RBCK1: variants seen among roughly 807,000 people sequenced by gnomAD.
The protein encoded by RBCK1 is RANBP2-type and C3HC4-type zinc finger containing 1.
In RBCK1, 44 loss-of-function variants were observed where a neutral mutation model predicts 71.1. The observed-to-expected ratio is 0.62, with a 90% CI of 0.49 to 0.80. The LOEUF (loss-of-function observed/expected upper bound fraction) is 0.80, where lower values mean the gene tolerates loss of function less well. Among genes scored for constraint, RBCK1 ranks in the 30% least tolerant of loss-of-function variants. The pLI, the probability that RBCK1 is intolerant of heterozygous loss-of-function variation, is 0.00. For synonymous variants in RBCK1, 306 were observed against 279.7 expected (o/e 1.09, Z -0.94); for missense variants, 569 against 685.0 (o/e 0.83, Z 1.89).
chr20:408,818 G>T lies in RBCK1; in HGVS notation c.22+39G>T, dbSNP rs1163490929. ...GGAGGTGGCTGGGGAACTTCCGGTG[G>T]GAAGTGGGCCCCGCAGGACCTGGCC... On this transcript the variant is annotated intron_variant, in intron 1 of 11. Transcript: ENST00000356286. The T allele has an allele frequency of 5.6e-6, 9 of 1,597,386 alleles. No individual in the cohort carries two copies. In the South Asian group the frequency reaches 1.0e-4, roughly 18 times the overall value.
chr20:423,358 T>G (rs944041039), intron 8 of RBCK1, among the ~76,000 whole-genome samples: 17 of 152,220 alleles, frequency 1.1e-4, no homozygotes, highest in Non-Finnish European at 1.9e-4. Context: ...TTTGTTGTTG[T>G]TAGCGCTTAC....
At chr20:409,857 G>T (rs776605379) in intron 1 of RBCK1, 24 bp from the exon 2 acceptor site, 2 of 1,608,588 alleles carry the variant, frequency 1.2e-6, no homozygotes. Flanking sequence ...TGTGCTAACT[G>T]GCTCCTGCTG....
At position 417,359 on chromosome 20, in the gene RBCK1, G is replaced by A. The variant is rs758443598; in HGVS notation, c.168-167G>A. ...GCCTAACTGGTGGGTTCTAATAAAGGAAGAAGCATGGGTGGGGCCTACCCC... is the reference window on the plus strand; with the variant it reads ...GCCTAACTGGTGGGTTCTAATAAAGAAAGAAGCATGGGTGGGGCCTACCCC... On this transcript the variant is annotated intron_variant, in intron 2 of 11. Coordinates refer to ENST00000356286, the MANE Select transcript of RBCK1 (RefSeq NM_031229.4). This position sits in a 1 kb window ranked among gnomAD's most constrained non-coding sequence, Gnocchi z 4.7. 1.3e-6 allele frequency: 1 copy of A among 752,106 alleles called. No homozygotes were observed. Among genetic ancestry groups the A allele is most frequent in the Admixed American group, 1.9e-5 (1 of 53,220 alleles). The allele number at this position is 752,106 out of a possible 1,614,324, so 46.6% of individuals were successfully genotyped here.
chr20:419,524 G>T (rs1359874412), intron 5 of RBCK1, 34 bp from the exon 6 acceptor site: 1 of 1,604,976 alleles, frequency 6.2e-7, no homozygotes, highest in Non-Finnish European at 8.5e-7. Flanking sequence ...GCCTCACCCT[G>T]CCCAGTCGGG....
At position 418,535 on chromosome 20, in the gene RBCK1, A is replaced by AT. The variant is rs548958736; in HGVS notation, c.460+611dup. On this transcript the variant is annotated intron_variant, in intron 4 of 11. Coordinates refer to ENST00000356286, the MANE Select transcript of RBCK1 (RefSeq NM_031229.4). ...AGGCGCCCGCCACCACGCCCGGCTA[A>AT]TTTTTTATATTTTTAGTAGAGACGG... 3.1e-3 allele frequency among the ~76,000 whole-genome samples: 479 copies of AT among 152,096 alleles called. 5 individuals carry two copies. The highest frequency in any genetic ancestry group is 0.011 in the African/African-American group (465 of 41,506).
intron 2 of RBCK1, 57 bp downstream of exon 2, chr20:410,082 C>G: frequency 6.4e-7 from 1 of 1,559,122 alleles, no homozygotes; most frequent in Non-Finnish European, 8.7e-7. Context: ...ATATTCTTGC[C>G]TGTAGAACAG....
Position 430,556 on chromosome 20 carries a change from T to C in RBCK1, c.*126T>C, listed in dbSNP as rs953825652. 1 of 916,116 alleles carries C rather than the reference T, an allele frequency of 1.1e-6. No homozygotes were observed. Among genetic ancestry groups the C allele is most frequent in the African/African-American group, 1.6e-5 (1 of 61,338 alleles). 56.7% of individuals were successfully genotyped at this position (916,116 alleles called of 1,614,324 possible). Reference sequence around the variant, plus strand: ...TGTAGGGGCCCTGCCTGCACTGCGGTTGTCCACGGTCACATCTGCCCCAGT... The same window carrying C: ...TGTAGGGGCCCTGCCTGCACTGCGGCTGTCCACGGTCACATCTGCCCCAGT... On this transcript the variant is annotated 3_prime_UTR_variant, in exon 12 of 12. Coordinates refer to ENST00000356286, the MANE Select transcript of RBCK1 (RefSeq NM_031229.4). The surrounding 1 kb of genome is among the most constrained non-coding windows in gnomAD (Gnocchi z 5.6).
intron 4 of RBCK1, 129 bp from the exon 5 acceptor site, chr20:419,218 G>A (rs1257104745): frequency 1.5e-6 from 2 of 1,297,430 alleles, no homozygotes; most frequent in African/African-American, 3.0e-5. Flanking sequence ...GATGGAAGCT[G>A]GAGGTACCCC....
In RBCK1 at chr20:426,151, G is replaced by A. The variant is rs12625895; in HGVS notation, c.1030-1162G>A. 1.6e-4 allele frequency among the ~76,000 whole-genome samples: 25 copies of A among 152,266 alleles called. No homozygotes were observed. In the East Asian group the frequency reaches 4.8e-3, roughly 29 times the overall value. On this transcript the variant is annotated intron_variant, in intron 8 of 11. Transcript: ENST00000356286. ...ATACTTTGATACAGGCATGCAATGC[G>A]TAATAATCACATCATGGAGAATGGG...
At position 422,248 on chromosome 20, in the gene RBCK1, C is replaced by T; in HGVS notation, c.1029+10C>T. 1 of 1,611,872 alleles carries T rather than the reference C, an allele frequency of 6.2e-7. No individual in the cohort carries two copies. Among genetic ancestry groups the T allele is most frequent in the Non-Finnish European group, 8.5e-7 (1 of 1,178,592 alleles). On this transcript the variant is annotated intron_variant, in intron 8 of 11. Transcript: ENST00000356286. The surrounding 1 kb of genome is among the most constrained non-coding windows in gnomAD (Gnocchi z 5.0). ...GAGGGAGATCAAGGCGGTAAGGCCT[C>T]AGGGTGGGAGACATACCCCAAGTCC...
chr20:428,451 C>G lies in RBCK1; in HGVS notation c.1210-40C>G. On this transcript the variant is annotated intron_variant, in intron 9 of 11. Coordinates refer to ENST00000356286, the MANE Select transcript of RBCK1 (RefSeq NM_031229.4). The surrounding 1 kb of genome is among the most constrained non-coding windows in gnomAD (Gnocchi z 5.7). ...TCACCTCTCCCAGCTTCTTAACCCC[C>G]TGAGGAACCTTCTTACCTTGAGTCC... is the stretch of plus-strand genomic sequence containing the variant. 1 of 1,481,016 alleles carries G rather than the reference C, an allele frequency of 6.8e-7. No individual in the cohort carries two copies. Among genetic ancestry groups the G allele is most frequent in the Non-Finnish European group, 9.2e-7 (1 of 1,092,166 alleles). The allele number at this position is 1,481,016 out of a possible 1,614,324, so 91.7% of individuals were successfully genotyped here.
chr20:431,631 C>G lies in RBCK1; in HGVS notation c.*1201C>G, dbSNP rs2017017391. Among the ~76,000 whole-genome samples, 1 of 152,178 alleles carries G rather than the reference C, an allele frequency of 6.6e-6. No homozygotes were observed. ...GTGATTTTGTGGGGAAGGGCCTGTT[C>G]TAGCAACTGGAAAGGCACTGCCACC... On this transcript the variant is annotated 3_prime_UTR_variant, in exon 12 of 12. Transcript: ENST00000356286. This position sits in a 1 kb window ranked among gnomAD's most constrained non-coding sequence, Gnocchi z 4.8.
Position 431,701 on chromosome 20 carries a change from C to T in RBCK1, c.*1271C>T, listed in dbSNP as rs763070519. Among the ~76,000 whole-genome samples the T allele has an allele frequency of 1.4e-4, 21 of 152,194 alleles. No individual in the cohort carries two copies. The highest frequency in any genetic ancestry group is 6.2e-4 in the South Asian group (3 of 4,828). ...TCAAGAGCTGGCCCCAGTCACTGTG[C>T]GCAGAGCTGTCTGAGAATGTGTGAG... On this transcript the variant is annotated 3_prime_UTR_variant, in exon 12 of 12. Coordinates refer to ENST00000356286, the MANE Select transcript of RBCK1 (RefSeq NM_031229.4). The surrounding 1 kb of genome is among the most constrained non-coding windows in gnomAD (Gnocchi z 4.8).
rs1380095259 is a variant in RBCK1 at position 427,163 on chromosome 20, T to C, written c.1030-150T>C. 6 of 709,192 alleles carry C rather than the reference T, an allele frequency of 8.5e-6. No individual in the cohort carries two copies. In the Admixed American group the frequency reaches 1.8e-4, roughly 21 times the overall value. The allele number at this position is 709,192 out of a possible 1,614,324, so 43.9% of individuals were successfully genotyped here. A position where few individuals can be genotyped will look rare whatever the true frequency, so the allele number is the denominator to read the frequency against. Reference sequence around the variant, plus strand: ...CTAAAATCCACTCTTTGAATGGAGTTTTTCAACACTATGAGGATTACATGA... The same window carrying C: ...CTAAAATCCACTCTTTGAATGGAGTCTTTCAACACTATGAGGATTACATGA... On this transcript the variant is annotated intron_variant, in intron 8 of 11. Coordinates refer to ENST00000356286, the MANE Select transcript of RBCK1 (RefSeq NM_031229.4).
chr20:418,438 G>C (rs138026431), intron 4 of RBCK1, among the ~76,000 whole-genome samples: 6 of 151,764 alleles, frequency 4.0e-5, no homozygotes, highest in Admixed American at 3.9e-4. Flanking sequence ...GCACAATCTC[G>C]GCTCACTGCA....
chr20:427,642 G>C (rs1246147545), intron 9 of RBCK1, 150 bp downstream of exon 9: 1 of 878,262 alleles, frequency 1.1e-6, no homozygotes, highest in East Asian at 2.7e-5. Flanking sequence ...AGTGTGGCTT[G>C]AGCCTGAACT....
chr20:411,463 G>A (rs2015702673), intron 2 of RBCK1, among the ~76,000 whole-genome samples: 1 of 152,128 alleles, frequency 6.6e-6, no homozygotes, highest in Admixed American at 6.5e-5. Context: ...CACCTCCCAG[G>A]TTCACGCCAT....
At position 412,040 on chromosome 20, in the gene RBCK1, T is replaced by C. The variant is rs553928017; in HGVS notation, c.167+2015T>C. Among the ~76,000 whole-genome samples the C allele has an allele frequency of 9.5e-4, 145 of 152,360 alleles. No individual in the cohort carries two copies. In the Middle Eastern group the frequency reaches 0.024, roughly 25 times the overall value. ...GGGTCATACAGTAACTCTATGTTAC[T>C]TTTTGAAGAAATGCCAGACAGTTTT... On this transcript the variant is annotated intron_variant, in intron 2 of 11. Coordinates refer to ENST00000356286, the MANE Select transcript of RBCK1 (RefSeq NM_031229.4).
At chr20:426,806 TTTTC>T (rs1474919245) in intron 8 of RBCK1, among the ~76,000 whole-genome samples, 3 of 149,452 alleles carry the variant, frequency 2.0e-5, no homozygotes, top group Non-Finnish European at 4.4e-5. Flanking sequence ...TTCTTTTTAC[TTTTC>T]TTTTCCTTTT....
Sources: allele counts gnomAD v4.1 joint callset (sites outside exome capture counted in the v4.1 genomes callset), GRCh38; gene constraint gnomAD v4.1.1; non-coding constraint Gnocchi (gnomAD v3.1); transcripts MANE v1.5; gene names NCBI Gene and HGNC (gene_info 2026-07-23, HGNC 2026-07-21).